The following THADA variants were observed in gnomAD, a reference collection of about 807,000 sequenced individuals.
THADA encodes the protein THADA armadillo repeat containing.
A neutral mutation model predicts 219.8 loss-of-function variants in THADA; 213 were observed. The ratio of observed to expected loss-of-function variants is 0.97; its 90% CI spans 0.87 to 1.09. The LOEUF (loss-of-function observed/expected upper bound fraction) is 1.09. Ranked by LOEUF, THADA falls within the 50% of genes least tolerant of loss-of-function variation. The pLI is 0.00. For synonymous variants in THADA, 1,018 were observed against 828.9 expected (o/e 1.23, Z -3.92); for missense variants, 2,956 against 2,311.3 (o/e 1.28, Z -5.72).
In THADA at chr2:43,574,950, T is replaced by A; in HGVS notation, c.1115A>T (p.Glu372Val). 1 of 1,614,048 alleles carries A rather than the reference T, an allele frequency of 6.2e-7. No individual in the cohort carries two copies. The highest frequency in any genetic ancestry group is 8.5e-7 in the Non-Finnish European group (1 of 1,179,900). Residue 372 changes from glutamate (E) to valine (V), a missense_variant, in exon 11 of 38, where the codon GAA (glutamate) becomes GTA (valine). Physicochemically the swap from Glu to Val is moderately radical, Grantham distance 121 (BLOSUM62 -2). Coordinates refer to ENST00000405975, the MANE Select transcript of THADA (RefSeq NM_022065.5). Reference protein sequence around the residue: ...SWTNSAIQVLESSSPSLTDSL... With the variant: ...SWTNSAIQVLVSSSPSLTDSL... Reference sequence around the variant, plus strand: ...GTCCGTTAGGCTCGGGGAACTTGATTCAAGGACTTGTATGGCTGAATTAGT... The same window carrying A: ...GTCCGTTAGGCTCGGGGAACTTGATACAAGGACTTGTATGGCTGAATTAGT...
At chr2:43,280,876 T>C (rs1290726269) in intron 35 of THADA, among the ~76,000 whole-genome samples, 1 of 152,212 alleles carries the variant, frequency 6.6e-6, no homozygotes, top group East Asian at 1.9e-4. Context: ...AGCAATGAGT[T>C]GTGAAGAACA....
At chr2:43,485,381 G>A (rs368025020) in intron 25 of THADA, 56 bp from the exon 26 acceptor site, 22 of 1,230,492 alleles carry the variant, frequency 1.8e-5, no homozygotes, top group Admixed American at 7.0e-5. Context: ...TGAAACCAAC[G>A]TTTACAATGT....
intron 29 of THADA, among the ~76,000 whole-genome samples, chr2:43,368,547 C>T (rs1259176401): frequency 6.6e-6 from 1 of 151,856 alleles, no homozygotes; most frequent in Non-Finnish European, 1.5e-5. Flanking sequence ...CAGGTGTGTG[C>T]CAGCCACCAT....
At chr2:43,505,588 C>A (rs747436206) in intron 24 of THADA, 34 bp downstream of exon 24, 5 of 1,445,798 alleles carry the variant, frequency 3.5e-6, no homozygotes, top group Admixed American at 2.1e-5. Flanking sequence ...AAACAAAAAA[C>A]AACACTGGAG....
intron 25 of THADA, among the ~76,000 whole-genome samples, chr2:43,490,130 CTG>C (rs1176813692): frequency 6.6e-6 from 1 of 152,032 alleles, no homozygotes; most frequent in Non-Finnish European, 1.5e-5. Context: ...ATAAATGAAA[CTG>C]TTTTCTTAAT....
chr2:43,239,512 G>C (rs185978196), intron 36 of THADA, among the ~76,000 whole-genome samples: 12 of 152,356 alleles, frequency 7.9e-5, no homozygotes, highest in East Asian at 3.9e-4. Context: ...CAGACTTTGA[G>C]GTTGCTTTCA....
chr2:43,337,060 T>A (rs1030958956), intron 30 of THADA, among the ~76,000 whole-genome samples: 1 of 152,124 alleles, frequency 6.6e-6, no homozygotes, highest in South Asian at 2.1e-4. Context: ...GCAAATTATT[T>A]AAAAAAAGAA....
intron 30 of THADA, among the ~76,000 whole-genome samples, chr2:43,335,578 T>C (rs1666321432): frequency 6.6e-6 from 1 of 152,168 alleles, no homozygotes; most frequent in South Asian, 2.1e-4. Flanking sequence ...AGTTGTAGTA[T>C]TTGATATGGC....
chr2:43,590,096 T>C (rs1162237668), intron 4 of THADA, among the ~76,000 whole-genome samples: 1 of 152,206 alleles, frequency 6.6e-6, no homozygotes, highest in African/African-American at 2.4e-5. Context: ...GTGACAATCT[T>C]TACTAAGAAA....
At chr2:43,239,119 C>A (rs1363183169) in intron 36 of THADA, among the ~76,000 whole-genome samples, 9 of 152,176 alleles carry the variant, frequency 5.9e-5, no homozygotes, top group Admixed American at 5.9e-4. Flanking sequence ...TGTGATGGAT[C>A]AGCATTTAGA....
At chr2:43,252,297 G>C (rs891022421) in intron 36 of THADA, among the ~76,000 whole-genome samples, 3 of 152,140 alleles carry the variant, frequency 2.0e-5, no homozygotes, top group African/African-American at 7.2e-5. Flanking sequence ...TCATTATTTA[G>C]AACTGTTTCA....
intron 31 of THADA, among the ~76,000 whole-genome samples, chr2:43,318,492 T>C (rs1161667769): frequency 6.6e-6 from 1 of 152,176 alleles, no homozygotes; most frequent in African/African-American, 2.4e-5. Flanking sequence ...TCATACTAAG[T>C]CTTTGAAATG....
intron 26 of THADA, among the ~76,000 whole-genome samples, chr2:43,446,090 G>C (rs1354251229): frequency 6.6e-6 from 1 of 152,132 alleles, no homozygotes; most frequent in Non-Finnish European, 1.5e-5. Flanking sequence ...TGTGTGCAAG[G>C]TCCCATTTGG....
At chr2:43,510,213 C>T (rs1690230347) in intron 22 of THADA, among the ~76,000 whole-genome samples, 1 of 152,038 alleles carries the variant, frequency 6.6e-6, no homozygotes, top group Non-Finnish European at 1.5e-5. Flanking sequence ...GAATAAAAAT[C>T]ACAAATCGGG....
At chr2:43,366,026 A>G (rs145963891) in intron 29 of THADA, among the ~76,000 whole-genome samples, 1 of 152,178 alleles carries the variant, frequency 6.6e-6, no homozygotes, top group Admixed American at 6.5e-5. Context: ...GTAAAAAATG[A>G]CCCTTGAATT....
chr2:43,469,393 G>A (rs753764295), intron 26 of THADA, among the ~76,000 whole-genome samples: 1 of 151,946 alleles, frequency 6.6e-6, no homozygotes, highest in Admixed American at 6.6e-5. Context: ...AAGCTAAGCC[G>A]AAGAAAATAC....
At chr2:43,525,727 A>T (rs1197215018) in intron 22 of THADA, among the ~76,000 whole-genome samples, 1 of 152,176 alleles carries the variant, frequency 6.6e-6, no homozygotes, top group East Asian at 1.9e-4. Context: ...GCCCTGCCCA[A>T]ATTGTTGAGA....
chr2:43,504,219 T>C (rs1008471370), intron 24 of THADA, among the ~76,000 whole-genome samples: 2 of 152,172 alleles, frequency 1.3e-5, no homozygotes, highest in African/African-American at 2.4e-5. Context: ...CTTGAAGTGA[T>C]CATTTTTGAA....
intron 26 of THADA, among the ~76,000 whole-genome samples, chr2:43,466,123 G>C (rs1324780729): frequency 2.0e-5 from 3 of 152,050 alleles, no homozygotes; most frequent in African/African-American, 7.3e-5. Context: ...CTCACCACTT[G>C]GTCCATCCAG....
Sources: gnomAD v4.1 joint callset for allele counts (sites outside exome capture counted in the v4.1 genomes callset) on GRCh38, gnomAD v4.1.1 for gene constraint, MANE v1.5 for transcripts, NCBI Gene and HGNC (gene_info 2026-07-23, HGNC 2026-07-21) for gene names.